Variants in MILR1 observed in about 807,000 individuals in gnomAD.
The protein encoded by MILR1 is mast cell immunoglobulin like receptor 1.
Under a neutral mutation model 18.5 loss-of-function variants are expected in MILR1, and 31 were observed. That is an observed-to-expected ratio of 1.68 (90% confidence interval 1.26 to 2.26). The LOEUF (loss-of-function observed/expected upper bound fraction) is 2.26, where lower values mean the gene tolerates loss of function less well. Among genes scored for constraint, MILR1 ranks in the 30% most tolerant of loss-of-function variants. The pLI, the probability that MILR1 is intolerant of heterozygous loss-of-function variation, is 0.00. For missense variants in MILR1, 257 were observed against 157.4 expected, an observed-to-expected ratio of 1.63 and a Z score of -3.38; for synonymous variants, 85 against 56.2, an observed-to-expected ratio of 1.51 and a Z score of -2.30.
chr17:64,461,814 A>G (rs917590808), intron 5 of MILR1, among the ~76,000 whole-genome samples: 3 of 151,988 alleles, frequency 2.0e-5, no homozygotes, highest in Non-Finnish European at 4.4e-5. Context: ...TCTGCTTTCT[A>G]TCTCCATTAG....
At chr17:64,488,079 A>C in the MILR1 span, among the ~76,000 whole-genome samples, 3 of 151,522 alleles carry the variant, frequency 2.0e-5, no homozygotes, top group Non-Finnish European at 4.4e-5. Flanking sequence ...AAATGGCCTA[A>C]GAGGCTGGGT....
chr17:64,481,829 C>T, the MILR1 span, among the ~76,000 whole-genome samples: 1 of 151,510 alleles, frequency 6.6e-6, no homozygotes, highest in African/African-American at 2.4e-5. Flanking sequence ...GAGCCGAGAT[C>T]GTGCCACTGC....
downstream of MILR1, among the ~76,000 whole-genome samples, chr17:64,470,565 C>T (rs1438990048): frequency 1.3e-5 from 2 of 152,158 alleles, no homozygotes; most frequent in African/African-American, 2.4e-5. Context: ...CAAGAGCGCT[C>T]GCGGGCATTG....
the MILR1 span, chr17:64,491,669 C>T: frequency 7.8e-7 from 1 of 1,288,210 alleles, no homozygotes; most frequent in South Asian, 1.2e-5. Flanking sequence ...ACAACAAGTA[C>T]ATCAACGTGA....
chr17:64,485,802 T>A, the MILR1 span: 5 of 1,612,970 alleles, frequency 3.1e-6, no homozygotes, highest in Non-Finnish European at 4.2e-6. Context: ...TAGGCCAGCA[T>A]GCCTCGGTCT....
chr17:64,475,609 AC>A, the MILR1 span, among the ~76,000 whole-genome samples: 58 of 149,086 alleles, frequency 3.9e-4, no homozygotes, highest in African/African-American at 1.4e-3. Flanking sequence ...AGTTTGCGCC[AC>A]TGTACTCCAG....
downstream of MILR1, among the ~76,000 whole-genome samples, chr17:64,469,106 GAAGAA>G (rs1235448249): frequency 6.7e-6 from 1 of 149,116 alleles, no homozygotes; most frequent in South Asian, 2.1e-4. Flanking sequence ...AAAGAGAAAA[GAAGAA>G]AAGAAAAGAA....
Position 64,466,491 on chromosome 17 carries a change from C to T in MILR1, c.903C>T (p.Ala301=). 6.2e-7 allele frequency: 1 copy of T among 1,613,802 alleles called. No individual in the cohort carries two copies. The highest frequency in any genetic ancestry group is 8.5e-7 in the Non-Finnish European group (1 of 1,179,822). Residue 301 remains alanine, a synonymous_variant, in exon 7 of 10, where the codon GCC becomes GCT. Transcript: ENST00000619286. ...EVGSRPCVST[A]QDEAKHSQEL... The stretch of plus-strand genomic sequence containing the variant: ...GATCCAGGCCGTGTGTTTCCACAGC[C>T]CAAGATGGTGAGCATGTTCTGCAGA...
downstream of MILR1, among the ~76,000 whole-genome samples, chr17:64,472,188 G>A (rs2037695796): frequency 2.0e-5 from 3 of 151,900 alleles, no homozygotes; most frequent in Admixed American, 6.6e-5. Context: ...TAAATCCAAA[G>A]AATAACTAGG....
chr17:64,467,447 G>A (rs887841867), intron 8 of MILR1, 118 bp from the exon 9 acceptor site: 2 of 644,546 alleles, frequency 3.1e-6, no homozygotes, highest in Admixed American at 5.9e-5. Flanking sequence ...CACAGTCCAG[G>A]AAAAAATTAG....
Position 64,460,808 on chromosome 17 carries a change from C to A in MILR1, c.653-14C>A. 2 of 474,400 alleles carry A rather than the reference C, an allele frequency of 4.2e-6. No individual in the cohort carries two copies. The highest frequency in any genetic ancestry group is 3.1e-5 in the East Asian group (1 of 31,998). 29.4% of individuals were successfully genotyped at this position (474,400 alleles called of 1,614,324 possible). On this transcript the variant is annotated splice_polypyrimidine_tract_variant and intron_variant, in intron 4 of 9. Transcript: ENST00000619286. ...AAAATGCTATGGTCACCAATGGATG[C>A]GGTCTTCTTCCAGGCGGAGACAGCT...
At position 64,457,587 on chromosome 17, in the gene MILR1, G is replaced by T. The variant is rs1402694430; in HGVS notation, c.555G>T (p.Lys185Asn). Residue 185 changes from lysine (K) to asparagine (N), a missense_variant, in exon 4 of 10, where the codon AAG (lysine) becomes AAT (asparagine). Physicochemically the swap from Lys to Asn is moderately conservative, Grantham distance 94. Coordinates refer to ENST00000619286, the MANE Select transcript of MILR1 (RefSeq NM_001085423.2). ...DREPAEFNLT[K>N]KNPGEEEEYR... ...AGCCTGCTGAATTTAACTTAACCAAGAAGAATCCTGGAGAAGAGGAAGAGT... is the reference window on the plus strand; with the variant it reads ...AGCCTGCTGAATTTAACTTAACCAATAAGAATCCTGGAGAAGAGGAAGAGT... 4.2e-6 allele frequency: 2 copies of T among 475,198 alleles called. No individual in the cohort carries two copies. Among genetic ancestry groups the T allele is most frequent in the Admixed American group, 6.3e-5 (2 of 31,702 alleles). The allele number at this position is 475,198 out of a possible 1,614,324, so 29.4% of individuals were successfully genotyped here.
chr17:64,492,082 T>C, the MILR1 span, among the ~76,000 whole-genome samples: 8 of 152,112 alleles, frequency 5.3e-5, no homozygotes, highest in African/African-American at 1.9e-4. Context: ...TTATGGCCAA[T>C]GAAGAGGGGA....
In MILR1 at chr17:64,468,523, A is replaced by T; in HGVS notation, c.*242A>T. The T allele has an allele frequency of 1.5e-6, 1 of 680,908 alleles. No individual in the cohort carries two copies. The allele number at this position is 680,908 out of a possible 1,614,324, so 42.2% of individuals were successfully genotyped here. ...AGGCTGGTCTTGAACTCCTGACCTC[A>T]GATGATCTGCCTGCCTCGGCCTCCC... On this transcript the variant is annotated 3_prime_UTR_variant, in exon 10 of 10. Transcript: ENST00000619286.
At chr17:64,465,930 G>A (rs2037547930) in intron 6 of MILR1, among the ~76,000 whole-genome samples, 1 of 152,176 alleles carries the variant, frequency 6.6e-6, no homozygotes, top group East Asian at 1.9e-4. Flanking sequence ...AAGACCCAGC[G>A]CCTCGGCTGA....
At chr17:64,496,004 T>G in the MILR1 span, among the ~76,000 whole-genome samples, 1 of 152,256 alleles carries the variant, frequency 6.6e-6, no homozygotes, top group Non-Finnish European at 1.5e-5. Flanking sequence ...CCACTGCGCC[T>G]GGCCTTGATT....
chr17:64,491,131 C>T, the MILR1 span, among the ~76,000 whole-genome samples: 2 of 152,140 alleles, frequency 1.3e-5, no homozygotes, highest in African/African-American at 4.8e-5. Context: ...TTCTAATTTA[C>T]ATTTTTTTTT....
At chr17:64,487,597 G>A in the MILR1 span, 1 of 130,942 alleles carries the variant, frequency 7.6e-6, no homozygotes, top group African/African-American at 3.1e-5. Context: ...CTGGGTGACA[G>A]AGTGAGACAC....
intron 4 of MILR1, among the ~76,000 whole-genome samples, chr17:64,457,963 G>A (rs1300388189): frequency 2.0e-5 from 3 of 152,140 alleles, no homozygotes; most frequent in African/African-American, 7.2e-5. Context: ...TGCCATAAAG[G>A]AACCACAGAA....
Sources: allele counts gnomAD v4.1 joint callset (sites outside exome capture counted in the v4.1 genomes callset), GRCh38; gene constraint gnomAD v4.1.1; transcripts MANE v1.5; gene names NCBI Gene and HGNC (gene_info 2026-07-23, HGNC 2026-07-21).